The following FNDC8 variants were observed in gnomAD, a reference collection of about 807,000 sequenced individuals.
The protein encoded by FNDC8 is fibronectin type III domain containing 8.
FNDC8 carries 23 observed loss-of-function variants against 24.8 expected under a neutral mutation model. The observed-to-expected ratio is 0.93, with a 90% CI of 0.67 to 1.31. The LOEUF (loss-of-function observed/expected upper bound fraction) is 1.31. Ranked by LOEUF, FNDC8 falls within the 40% of genes most tolerant of loss-of-function variation. FNDC8 has a pLI of 0.00. For missense variants in FNDC8, 371 were observed against 398.2 expected, an observed-to-expected ratio of 0.93 and a Z score of 0.58; for synonymous variants, 158 against 165.3, an observed-to-expected ratio of 0.96 and a Z score of 0.34.
Position 35,130,576 on chromosome 17 carries a change from G to C in FNDC8, c.*142G>C, listed in dbSNP as rs2091871142. On this transcript the variant is annotated 3_prime_UTR_variant, in exon 4 of 4. Transcript: ENST00000158009. Reference sequence around the variant, plus strand: ...AGTGGTATGGGCACCCCACCCCTGGGCTGGGGCCAAGGCTACATAGGGGCC... The same window carrying C: ...AGTGGTATGGGCACCCCACCCCTGGCCTGGGGCCAAGGCTACATAGGGGCC... The C allele has an allele frequency of 1.1e-6, 1 of 893,808 alleles. No homozygotes were observed. Among genetic ancestry groups the C allele is most frequent in the African/African-American group, 1.7e-5 (1 of 59,468 alleles). 55.4% of individuals were successfully genotyped at this position (893,808 alleles called of 1,614,324 possible).
intron 2 of FNDC8, chr17:35,128,715 C>A (rs965054151): frequency 6.5e-6 from 1 of 153,290 alleles, no homozygotes; most frequent in African/African-American, 2.4e-5. Flanking sequence ...TCCATGGATC[C>A]GGTTGGGGGG....
intron 1 of FNDC8, among the ~76,000 whole-genome samples, chr17:35,125,056 A>G (rs1597882807): frequency 6.6e-6 from 1 of 150,582 alleles, no homozygotes; most frequent in Admixed American, 6.7e-5. Flanking sequence ...TCAAAAAAAA[A>G]AAAAAAGAAA....
In FNDC8 at chr17:35,130,498, G is replaced by C. The variant is rs2091870459; in HGVS notation, c.*64G>C. ...TTCAACCCCAGGCCCTCAGAAACCAGAGCCATGAGACCTACCATACCACCA... is the reference window on the plus strand; with the variant it reads ...TTCAACCCCAGGCCCTCAGAAACCACAGCCATGAGACCTACCATACCACCA... On this transcript the variant is annotated 3_prime_UTR_variant, in exon 4 of 4. Transcript: ENST00000158009. The C allele has an allele frequency of 6.5e-7, 1 of 1,535,990 alleles. No individual in the cohort carries two copies. Among genetic ancestry groups the C allele is most frequent in the South Asian group, 1.2e-5 (1 of 84,532 alleles).
In FNDC8 at chr17:35,130,297, A is replaced by G. The variant is rs78526886; in HGVS notation, c.838A>G (p.Thr280Ala). Reference protein sequence around the residue: ...CKPYKFATLATDFSSFPENYP... With the variant: ...CKPYKFATLAADFSSFPENYP... Reference sequence around the variant, plus strand: ...TTCACTTCAGTTTGCAACCCTGGCCACTGACTTCAGCAGCTTTCCTGAGAA... The same window carrying G: ...TTCACTTCAGTTTGCAACCCTGGCCGCTGACTTCAGCAGCTTTCCTGAGAA... Residue 280 changes from threonine to alanine, a missense_variant, in exon 4 of 4, where the codon ACT becomes GCT. Physicochemically the swap from Thr to Ala is moderately conservative, Grantham distance 58. Coordinates refer to ENST00000158009, the MANE Select transcript of FNDC8 (RefSeq NM_017559.4). The G allele has an allele frequency of 6.2e-7, 1 of 1,613,910 alleles. No homozygotes were observed. The highest frequency in any genetic ancestry group is 1.7e-4 in the Middle Eastern group (1 of 6,054).
At position 35,126,622 on chromosome 17, in the gene FNDC8, CCT is replaced by C. The variant is rs1367915804; in HGVS notation, c.210-419_210-418del. The stretch of plus-strand genomic sequence containing the variant: ...GGTTCAAGCAATTCTCCTGCCTCAG[CCT>C]ACCAAGTAGCTAGGATTACAGGTGC... On this transcript the variant is annotated intron_variant, in intron 1 of 3. Transcript: ENST00000158009. 2.0e-5 allele frequency among the ~76,000 whole-genome samples: 3 copies of C among 151,734 alleles called. No individual in the cohort carries two copies. The East Asian group carries it at 5.8e-4, about 29-fold the overall frequency.
chr17:35,128,979 C>T (rs565676875), intron 2 of FNDC8: 6 of 174,542 alleles, frequency 3.4e-5, no homozygotes, highest in East Asian at 1.4e-4. Flanking sequence ...ATAGGGTTCA[C>T]GTGCCTATGG....
chr17:35,121,816 G>T lies in FNDC8; in HGVS notation c.123G>T (p.Met41Ile). Residue 41 changes from methionine (M) to isoleucine (I), a missense_variant, in exon 1 of 4, where the codon ATG (methionine) becomes ATT (isoleucine). Met to Ile is a conservative substitution (Grantham distance 10). Coordinates refer to ENST00000158009, the MANE Select transcript of FNDC8 (RefSeq NM_017559.4). ...LPKPFSNPKS[M>I]NRTVTTKGLP... ...AACCCTTTTCAAACCCCAAGTCTAT[G>T]AACCGGACCGTCACTACCAAAGGAC... 6.2e-7 allele frequency: 1 copy of T among 1,613,730 alleles called. No homozygotes were observed. Among genetic ancestry groups the T allele is most frequent in the Non-Finnish European group, 8.5e-7 (1 of 1,179,958 alleles).
At chr17:35,129,690 TGGAGA>T in intron 3 of FNDC8, 32 bp downstream of exon 3, 1 of 1,602,382 alleles carries the variant, frequency 6.2e-7, no homozygotes, top group South Asian at 1.1e-5. Context: ...GCCTTGGGGG[TGGAGA>T]GAAGTCCAAA....
Position 35,130,361 on chromosome 17 carries a change from G to C in FNDC8, c.902G>C (p.Arg301Pro), listed in dbSNP as rs147465242. 3 of 1,614,138 alleles carry C rather than the reference G, an allele frequency of 1.9e-6. No homozygotes were observed. Among genetic ancestry groups the C allele is most frequent in the South Asian group, 2.2e-5 (2 of 91,090 alleles). The change falls in exon 4 of 4, where the codon CGG (arginine) becomes CCG (proline). Residue 301 changes from arginine to proline, a missense_variant. Physicochemically the swap from Arg to Pro is moderately radical, Grantham distance 103 (BLOSUM62 -2). Transcript: ENST00000158009. ...ATCACCGTGCGGCGCAAGGAACCCC[G>C]GCAAAAGATCGTGTCCATCGGGCCG... ...IQITVRRKEP[R>P]QKIVSIGPEE...
chr17:35,130,358 C>A lies in FNDC8; in HGVS notation c.899C>A (p.Pro300His). 6.2e-7 allele frequency: 1 copy of A among 1,614,120 alleles called. No homozygotes were observed. The highest frequency in any genetic ancestry group is 1.3e-5 in the African/African-American group (1 of 75,020). The change falls in exon 4 of 4, where the codon CCC becomes CAC. Residue 300 changes from proline (P) to histidine (H), a missense_variant. Transcript: ENST00000158009. ...CAGATCACCGTGCGGCGCAAGGAAC[C>A]CCGGCAAAAGATCGTGTCCATCGGG... ...PIQITVRRKE[P>H]RQKIVSIGPE...
At position 35,127,426 on chromosome 17, in the gene FNDC8, C is replaced by A. The variant is rs373239683; in HGVS notation, c.585+9C>A. On this transcript the variant is annotated intron_variant, in intron 2 of 3. Coordinates refer to ENST00000158009, the MANE Select transcript of FNDC8 (RefSeq NM_017559.4). ...ACAATTCCACAGCTGTGGTGCGTTT[C>A]CCTTGCTCATGCGTTCAGCAGAGGC... 4 of 1,533,366 alleles carry A rather than the reference C, an allele frequency of 2.6e-6. No individual in the cohort carries two copies. In the South Asian group the frequency reaches 5.1e-5, roughly 19 times the overall value. 95.0% of individuals were successfully genotyped at this position (1,533,366 alleles called of 1,614,324 possible).
At chr17:35,126,989 C>T (rs561886897) in intron 1 of FNDC8, 53 bp from the exon 2 acceptor site, 54 of 1,523,056 alleles carry the variant, frequency 3.5e-5, no homozygotes, top group Middle Eastern at 3.6e-4. Flanking sequence ...TCAGGTGGAA[C>T]GGGCTGGGGT....
At chr17:35,124,980 G>A (rs559153922) in intron 1 of FNDC8, among the ~76,000 whole-genome samples, 21 of 151,804 alleles carry the variant, frequency 1.4e-4, no homozygotes, top group Non-Finnish European at 2.4e-4. Context: ...CCAGGGAGGC[G>A]GAGGTTGCAG....
intron 3 of FNDC8, 61 bp downstream of exon 3, chr17:35,129,719 G>C: frequency 6.4e-7 from 1 of 1,570,896 alleles, no homozygotes; most frequent in Non-Finnish European, 8.6e-7. Context: ...AGGGAACCAG[G>C]GCTTTGGAGG....
At chr17:35,125,580 T>A (rs1194924613) in intron 1 of FNDC8, among the ~76,000 whole-genome samples, 5 of 152,234 alleles carry the variant, frequency 3.3e-5, no homozygotes, top group Admixed American at 3.3e-4. Flanking sequence ...CTTTTATTTG[T>A]ACAACATCTA....
chr17:35,129,984 T>G, intron 3 of FNDC8: 3 of 1,366,582 alleles, frequency 2.2e-6, no homozygotes, highest in Non-Finnish European at 1.9e-6. Flanking sequence ...TTGAAAGAAA[T>G]AGGGAAGACA....
chr17:35,121,941 CCCTCCCTTCCTTCCTCCCTTCCTT>C (rs748865749), intron 1 of FNDC8, 39 bp downstream of exon 1: 7 of 1,381,576 alleles, frequency 5.1e-6, no homozygotes, highest in East Asian at 4.7e-5. Context: ...CTCCCTCCCT[CCCTCCCTTCCTTCCTCCCTTCCTT>C]CCTCCCTTCC....
chr17:35,122,113 T>G (rs1181293791), intron 1 of FNDC8, among the ~76,000 whole-genome samples: 4 of 125,342 alleles, frequency 3.2e-5, no homozygotes, highest in African/African-American at 1.2e-4. Context: ...ACCTCCCAAG[T>G]AGCTGGGACT....
At chr17:35,123,759 AC>A (rs67249258) in intron 1 of FNDC8, among the ~76,000 whole-genome samples, 1,889 of 150,620 alleles carry the variant, frequency 0.013, 42 homozygotes, top group African/African-American at 0.044. Context: ...ACAAAACAAA[AC>A]AAAAAAAAAA....
Sources: allele counts gnomAD v4.1 joint callset (sites outside exome capture counted in the v4.1 genomes callset), GRCh38; gene constraint gnomAD v4.1.1; transcripts MANE v1.5; gene names NCBI Gene and HGNC (gene_info 2026-07-23, HGNC 2026-07-21).